CLIC2: variants seen among roughly 807,000 people sequenced by gnomAD.
The protein encoded by CLIC2 is chloride intracellular channel protein 2.
CLIC2 carries 9 observed loss-of-function variants against 14.8 expected under a neutral mutation model. The observed-to-expected ratio is 0.61, with a 90% confidence interval of 0.37 to 1.06. CLIC2 has a LOEUF of 1.06. CLIC2 is among the 50% of genes least tolerant of loss of function. CLIC2 has a pLI of 0.01. For missense variants in CLIC2, 148 were observed against 181.4 expected (o/e 0.82, Z 1.06); for synonymous variants, 61 against 66.3 (o/e 0.92, Z 0.39).
At position 155,313,207 on chromosome X, in the gene CLIC2, A is replaced by C. The variant is rs782731043; in HGVS notation, c.58-14062T>G. Among the ~76,000 whole-genome samples, 29 of 109,035 alleles carry C rather than the reference A, an allele frequency of 2.7e-4. No individual in the cohort carries two copies. The East Asian group carries it at 3.4e-3, about 13-fold the overall frequency. 94.7% of individuals were successfully genotyped at this position (109,035 alleles called of 115,157 possible). A position where few individuals can be genotyped will look rare whatever the true frequency, so the allele number is the denominator to read the frequency against. The stretch of plus-strand genomic sequence containing the variant: ...TCTATATAAATAAGGCAAAAAAAAA[A>C]AAAAAAAACAAAACTACTGTCAAAG... On this transcript the variant is annotated intron_variant, in intron 1 of 5. Coordinates refer to ENST00000369449, the MANE Select transcript of CLIC2 (RefSeq NM_001289.6).
intron 1 of CLIC2, among the ~76,000 whole-genome samples, chrX:155,314,591 G>T (rs782278763): frequency 1.3e-4 from 15 of 112,028 alleles, no homozygotes; most frequent in Non-Finnish European, 2.4e-4. Flanking sequence ...GCCCCTCCCA[G>T]ATCTTCCCTC....
At chrX:155,305,446 A>G (rs782468501) in intron 1 of CLIC2, among the ~76,000 whole-genome samples, 1,427 of 112,201 alleles carry the variant, frequency 0.013, 12 homozygotes, top group Non-Finnish European at 0.02. Context: ...CGCACGGTGC[A>G]CGCACCCACT....
chrX:155,314,491 C>T (rs1164428151), intron 1 of CLIC2, among the ~76,000 whole-genome samples: 1 of 111,740 alleles, frequency 8.9e-6, no homozygotes, highest in Non-Finnish European at 1.9e-5. Flanking sequence ...AAACAATCAC[C>T]GCAGTTCGGC....
intron 1 of CLIC2, among the ~76,000 whole-genome samples, chrX:155,331,571 GTTTT>G (rs782370781): frequency 9.0e-6 from 1 of 111,499 alleles, no homozygotes; most frequent in African/African-American, 3.2e-5. Context: ...TTATACACTT[GTTTT>G]ATTTAATCCT....
At chrX:155,285,788 G>C (rs1432610038) in intron 3 of CLIC2, among the ~76,000 whole-genome samples, 1 of 109,743 alleles carries the variant, frequency 9.1e-6, no homozygotes, top group Non-Finnish European at 1.9e-5. Context: ...TTCATTCTGA[G>C]TTTCTTATGT....
At chrX:155,309,133 T>C (rs1444082838) in intron 1 of CLIC2, among the ~76,000 whole-genome samples, 1 of 111,306 alleles carries the variant, frequency 9.0e-6, no homozygotes, top group Non-Finnish European at 1.9e-5. Context: ...AAAAACCCTC[T>C]GTCTCTACTA....
chrX:155,319,421 G>A (rs1557321386), intron 1 of CLIC2, among the ~76,000 whole-genome samples: 1 of 111,838 alleles, frequency 8.9e-6, no homozygotes, highest in East Asian at 2.8e-4. Flanking sequence ...GCCAAAGCAG[G>A]GTGGGGCGTC....
chrX:155,280,257 G>C (rs2074913975), intron 3 of CLIC2, among the ~76,000 whole-genome samples, 189 bp from the exon 4 acceptor site: 1 of 112,463 alleles, frequency 8.9e-6, no homozygotes, highest in Non-Finnish European at 1.9e-5. Flanking sequence ...AAGTTCACAG[G>C]GTAATCAGTT....
At chrX:155,293,500 A>C (rs2074982086) in intron 3 of CLIC2, 1 of 488,184 alleles carries the variant, frequency 2.0e-6, no homozygotes, top group Non-Finnish European at 3.6e-6. Flanking sequence ...AAATGACAAG[A>C]GAGAGAGAAA....
chrX:155,320,070 A>G (rs1275872143), intron 1 of CLIC2, among the ~76,000 whole-genome samples: 1 of 112,222 alleles, frequency 8.9e-6, no homozygotes, highest in Non-Finnish European at 1.9e-5. Flanking sequence ...CAGGGCTTAT[A>G]GATAAAACTC....
chrX:155,302,668 TG>T (rs1557319304), intron 1 of CLIC2, among the ~76,000 whole-genome samples: 1 of 65,411 alleles, frequency 1.5e-5, no homozygotes, highest in African/African-American at 5.1e-5. Context: ...TTAATTGTGA[TG>T]TTAGGGTGTC....
chrX:155,327,601 C>G (rs1262630102), intron 1 of CLIC2, among the ~76,000 whole-genome samples: 1 of 110,346 alleles, frequency 9.1e-6, no homozygotes, highest in African/African-American at 3.3e-5. Context: ...AACCAAATAC[C>G]ACACATTCTC....
chrX:155,291,707 T>C (rs2074965798), intron 3 of CLIC2, among the ~76,000 whole-genome samples: 1 of 111,665 alleles, frequency 9.0e-6, no homozygotes, highest in Admixed American at 9.5e-5. Flanking sequence ...TCAAACAACA[T>C]AGGTAAAGAT....
intron 1 of CLIC2, 126 bp downstream of exon 1, chrX:155,334,245 G>T: frequency 1.7e-6 from 1 of 573,880 alleles, no homozygotes; most frequent in East Asian, 3.3e-5. Flanking sequence ...AGAACTCAGA[G>T]TAGGAAAATA....
At chrX:155,307,236 G>C (rs1173393094) in intron 1 of CLIC2, among the ~76,000 whole-genome samples, 1 of 111,373 alleles carries the variant, frequency 9.0e-6, no homozygotes, top group Non-Finnish European at 1.9e-5. Flanking sequence ...AATCTATATG[G>C]GGTCTGTCAG....
intron 3 of CLIC2, among the ~76,000 whole-genome samples, chrX:155,284,293 G>A (rs1602928474): frequency 2.3e-5 from 2 of 87,930 alleles, no homozygotes; most frequent in Admixed American, 1.5e-4. Context: ...TGCTCTTGTT[G>A]TCCATGCCCA....
At position 155,299,221 on chromosome X, in the gene CLIC2, C is replaced by A. The variant is rs782380904; in HGVS notation, c.58-76G>T. 7 of 783,643 alleles carry A rather than the reference C, an allele frequency of 8.9e-6. No homozygotes were observed. The East Asian group carries it at 1.6e-4, about 18-fold the overall frequency. 64.6% of individuals were successfully genotyped at this position (783,643 alleles called of 1,213,427 possible). On this transcript the variant is annotated intron_variant, in intron 1 of 5. Transcript: ENST00000369449. ...TATTTAGTTCCTAATAGGAAATGAG[C>A]CAGTTGCTAGAGACAAACATGGACA...
chrX:155,318,528 AG>A (rs2075102520), intron 1 of CLIC2, among the ~76,000 whole-genome samples: 1 of 112,045 alleles, frequency 8.9e-6, no homozygotes, highest in African/African-American at 3.2e-5. Context: ...ACCTCTACAA[AG>A]AAAACTACAA....
At chrX:155,319,370 T>C (rs781951851) in intron 1 of CLIC2, among the ~76,000 whole-genome samples, 3 of 110,978 alleles carry the variant, frequency 2.7e-5, no homozygotes, top group Admixed American at 9.5e-5. Context: ...GCTCATCTCA[T>C]TGGGACTGGT....
Sources: gnomAD v4.1 joint callset for allele counts (sites outside exome capture counted in the v4.1 genomes callset) on GRCh38, gnomAD v4.1.1 for gene constraint, MANE v1.5 for transcripts, NCBI Gene and HGNC (gene_info 2026-07-23, HGNC 2026-07-21) for gene names.